The following CHN1 variants were observed in gnomAD, a reference collection of about 807,000 sequenced individuals.
CHN1 encodes chimerin 1.
CHN1 carries 37 observed loss-of-function variants against 59.5 expected under a neutral mutation model. The observed-to-expected ratio is 0.62, with a 90% CI of 0.48 to 0.82. The LOEUF is 0.82. Ranked by LOEUF, CHN1 falls within the 40% of genes least tolerant of loss-of-function variation. The probability of loss-of-function intolerance (pLI) is 0.00; values close to 1 mark genes in which losing one functional copy is unlikely to be tolerated. For missense variants in CHN1, 469 were observed against 571.0 expected, an observed-to-expected ratio of 0.82 and a Z score of 1.82; for synonymous variants, 206 against 200.4, an observed-to-expected ratio of 1.03 and a Z score of -0.24.
intron 7 of CHN1, among the ~76,000 whole-genome samples, chr2:174,836,273 G>C (rs563635886): frequency 1.3e-5 from 2 of 152,260 alleles, no homozygotes; most frequent in African/African-American, 4.8e-5. Flanking sequence ...ATCAATGTCT[G>C]GCTGTGGTTT....
At chr2:174,808,693 G>T (rs913868143) in intron 11 of CHN1, among the ~76,000 whole-genome samples, 2 of 152,152 alleles carry the variant, frequency 1.3e-5, no homozygotes, top group African/African-American at 4.8e-5. Context: ...GGAAAATGAG[G>T]TTTAGCACAT....
chr2:174,937,321 T>A (rs1438577277), intron 3 of CHN1, among the ~76,000 whole-genome samples: 1 of 152,148 alleles, frequency 6.6e-6, no homozygotes, highest in East Asian at 1.9e-4. Flanking sequence ...GTTACTGAAT[T>A]TGTAAGCTGT....
intron 1 of CHN1, among the ~76,000 whole-genome samples, chr2:174,971,025 T>C (rs1042954095): frequency 2.6e-5 from 4 of 152,208 alleles, no homozygotes; most frequent in African/African-American, 7.2e-5. Flanking sequence ...TTTAAAAATA[T>C]AGTCATTTTT....
chr2:174,805,925 T>C (rs894476106), intron 11 of CHN1, among the ~76,000 whole-genome samples: 2 of 152,150 alleles, frequency 1.3e-5, no homozygotes, highest in Admixed American at 6.5e-5. Context: ...CACTGAGACA[T>C]GTAGCTTTTT....
intron 6 of CHN1, among the ~76,000 whole-genome samples, chr2:174,855,181 G>A (rs894520540): frequency 6.6e-6 from 1 of 152,130 alleles, no homozygotes. Flanking sequence ...CTAGGACACT[G>A]GAAGGACCTC....
intron 1 of CHN1, among the ~76,000 whole-genome samples, chr2:174,995,932 T>G (rs1691692103): frequency 6.6e-6 from 1 of 152,248 alleles, no homozygotes; most frequent in Admixed American, 6.5e-5. Flanking sequence ...GTAGCAATGC[T>G]GGCATACTAT....
chr2:174,812,848 A>AT (rs1685122699), intron 8 of CHN1, among the ~76,000 whole-genome samples: 1 of 152,246 alleles, frequency 6.6e-6, no homozygotes, highest in Admixed American at 6.5e-5. Context: ...AATGTGGGGT[A>AT]TAATTGCATT....
chr2:174,919,376 T>C (rs992119510), intron 3 of CHN1, among the ~76,000 whole-genome samples: 6 of 152,130 alleles, frequency 3.9e-5, no homozygotes, highest in African/African-American at 1.2e-4. Context: ...CTCTCTGAGA[T>C]GACATTTAAA....
chr2:174,813,393 T>C (rs893706823), intron 8 of CHN1, among the ~76,000 whole-genome samples: 8 of 152,232 alleles, frequency 5.3e-5, no homozygotes, highest in Non-Finnish European at 1.2e-4. Context: ...CCGCCACATG[T>C]TCAGTTATCT....
chr2:174,894,515 T>C (rs983285898), intron 5 of CHN1, among the ~76,000 whole-genome samples: 1 of 152,124 alleles, frequency 6.6e-6, no homozygotes. Context: ...TTGTGTACAG[T>C]TGGTGAGACT....
chr2:174,895,930 C>T (rs569067073), intron 5 of CHN1, among the ~76,000 whole-genome samples: 1 of 152,084 alleles, frequency 6.6e-6, no homozygotes, highest in Non-Finnish European at 1.5e-5. Context: ...GACATTGAAA[C>T]ATTTCTGATA....
At chr2:174,955,990 T>G (rs1437854959) in intron 1 of CHN1, among the ~76,000 whole-genome samples, 1 of 152,202 alleles carries the variant, frequency 6.6e-6, no homozygotes, top group African/African-American at 2.4e-5. Context: ...TCATGCAATA[T>G]TCTCATGTAA....
chr2:174,847,278 A>T, intron 6 of CHN1: 3 of 1,371,844 alleles, frequency 2.2e-6, no homozygotes, highest in Non-Finnish European at 2.8e-6. Context: ...GTGGAGGAGG[A>T]GGATGAAGCA....
chr2:174,937,982 A>G (rs775870463), intron 3 of CHN1, among the ~76,000 whole-genome samples: 4 of 152,146 alleles, frequency 2.6e-5, no homozygotes, highest in Non-Finnish European at 5.9e-5. Flanking sequence ...GTATTCCTTT[A>G]TAACAGCACA....
At chr2:174,821,698 C>A (rs1411687821) in intron 8 of CHN1, 3 of 451,304 alleles carry the variant, frequency 6.6e-6, no homozygotes, top group South Asian at 4.9e-5. Flanking sequence ...GCTTTCCAGG[C>A]GCCATCTTGG....
chr2:174,861,321 T>C (rs1051857502), intron 6 of CHN1, among the ~76,000 whole-genome samples: 3 of 152,170 alleles, frequency 2.0e-5, no homozygotes, highest in Non-Finnish European at 4.4e-5. Context: ...TCTCAAAGAC[T>C]ATGTGGTGAT....
At chr2:174,996,395 T>C (rs932311378) in intron 1 of CHN1, among the ~76,000 whole-genome samples, 5 of 152,230 alleles carry the variant, frequency 3.3e-5, no homozygotes, top group Admixed American at 3.3e-4. Context: ...TTCTGGTATC[T>C]TCAATCTTTG....
chr2:174,964,851 C>T (rs1348905105), intron 1 of CHN1, among the ~76,000 whole-genome samples: 2 of 152,052 alleles, frequency 1.3e-5, no homozygotes, highest in South Asian at 2.1e-4. Context: ...TTATGAAAAG[C>T]GATTCCAATT....
At chr2:174,960,638 C>T (rs1043807414) in intron 1 of CHN1, among the ~76,000 whole-genome samples, 11 of 151,654 alleles carry the variant, frequency 7.3e-5, no homozygotes, top group Non-Finnish European at 1.5e-4. Flanking sequence ...GTCAGGGGTT[C>T]GAGACCAACC....
Sources: gnomAD v4.1 joint callset for allele counts (sites outside exome capture counted in the v4.1 genomes callset) on GRCh38, gnomAD v4.1.1 for gene constraint, MANE v1.5 for transcripts, NCBI Gene and HGNC (gene_info 2026-07-23, HGNC 2026-07-21) for gene names.